Variants in AFF3 observed in about 807,000 individuals in gnomAD.
AFF3 encodes ALF transcription elongation factor 3, also known as AF4/FMR2 family member 3.
AFF3 carries 32 observed loss-of-function variants against 129.7 expected under a neutral mutation model. The ratio of observed to expected loss-of-function variants is 0.25; its 90% CI spans 0.19 to 0.33. AFF3 has a LOEUF of 0.33. Ranked by LOEUF, AFF3 falls within the 10% of genes least tolerant of loss-of-function variation. The probability of loss-of-function intolerance (pLI) is 1.00; values close to 1 mark genes in which losing one functional copy is unlikely to be tolerated. For synonymous variants in AFF3, 644 were observed against 635.4 expected, an observed-to-expected ratio of 1.01 and a Z score of -0.20; for missense variants, 1,373 against 1,592.0, an observed-to-expected ratio of 0.86 and a Z score of 2.34.
intron 2 of AFF3, chr2:100,107,501 GTGA>G: frequency 1.0e-6 from 1 of 985,282 alleles, no homozygotes; most frequent in Non-Finnish European, 1.2e-6. Flanking sequence ...AAATGTTAGA[GTGA>G]TGTTTTCTAT....
chr2:99,617,376 T>A (rs539641022), intron 13 of AFF3, among the ~76,000 whole-genome samples: 20 of 152,382 alleles, frequency 1.3e-4, no homozygotes, highest in Non-Finnish European at 2.2e-4. Flanking sequence ...TGTCTCACTG[T>A]GGTTTTGATT....
At chr2:99,902,467 T>G (rs1033878837) in intron 7 of AFF3, among the ~76,000 whole-genome samples, 3 of 152,114 alleles carry the variant, frequency 2.0e-5, no homozygotes, top group African/African-American at 7.2e-5. Context: ...AACTGTCATC[T>G]CAACTCAATG....
chr2:99,958,829 A>G (rs1041702206), intron 7 of AFF3, among the ~76,000 whole-genome samples: 4 of 151,992 alleles, frequency 2.6e-5, no homozygotes, highest in African/African-American at 9.7e-5. Flanking sequence ...GAACATTATC[A>G]AGGCCGGGTG....
chr2:99,844,456 G>C (rs1246684805), intron 7 of AFF3, among the ~76,000 whole-genome samples: 1 of 8,990 alleles, frequency 1.1e-4, no homozygotes, highest in Non-Finnish European at 2.5e-4. Context: ...TTTTTTTTTT[G>C]AGACAGAGTC....
intron 7 of AFF3, among the ~76,000 whole-genome samples, chr2:99,975,897 A>G (rs1363919433): frequency 6.6e-6 from 1 of 150,754 alleles, no homozygotes; most frequent in African/African-American, 2.4e-5. Flanking sequence ...AAAGAAAAAG[A>G]GAAAACCCAC....
intron 8 of AFF3, among the ~76,000 whole-genome samples, chr2:99,785,049 C>T (rs1484752227): frequency 6.6e-6 from 1 of 152,104 alleles, no homozygotes; most frequent in Non-Finnish European, 1.5e-5. Flanking sequence ...GATGTTGCGC[C>T]CTCTGAGGTT....
At chr2:99,555,619 C>T (rs3792119) in intron 22 of AFF3, among the ~76,000 whole-genome samples, 18,308 of 152,230 alleles carry the variant, frequency 0.12, 1,418 homozygotes, top group East Asian at 0.23. Context: ...CCTCTGAGAA[C>T]CCAATCATGC....
intron 8 of AFF3, among the ~76,000 whole-genome samples, chr2:99,775,558 G>C (rs1683829428): frequency 1.3e-5 from 2 of 152,144 alleles, no homozygotes; most frequent in African/African-American, 4.8e-5. Context: ...CCTGTCAGAG[G>C]GCAGGAGGAG....
chr2:100,131,471 T>A (rs1692427396), intron 1 of AFF3, among the ~76,000 whole-genome samples: 1 of 152,184 alleles, frequency 6.6e-6, no homozygotes. Flanking sequence ...TATTTTTATT[T>A]TTTTTAGAGG....
chr2:99,772,490 G>C (rs545534187), intron 8 of AFF3, among the ~76,000 whole-genome samples: 1 of 152,204 alleles, frequency 6.6e-6, no homozygotes. Context: ...GAGAGAAACA[G>C]AAAGTATTTG....
At chr2:99,612,492 T>C (rs1318123293) in intron 13 of AFF3, among the ~76,000 whole-genome samples, 2 of 152,204 alleles carry the variant, frequency 1.3e-5, no homozygotes, top group African/African-American at 2.4e-5. Context: ...ATGACTCAAA[T>C]GAAATGAGGC....
At chr2:99,709,186 T>C (rs1291361950) in intron 11 of AFF3, among the ~76,000 whole-genome samples, 1 of 152,132 alleles carries the variant, frequency 6.6e-6, no homozygotes, top group Non-Finnish European at 1.5e-5. Context: ...GCCCAGGAGT[T>C]CAAGGCCAGC....
chr2:99,655,154 C>A (rs1685628480), intron 12 of AFF3, among the ~76,000 whole-genome samples: 1 of 149,586 alleles, frequency 6.7e-6, no homozygotes, highest in South Asian at 2.1e-4. Context: ...GCAGTCACAA[C>A]AAGCAAAGCC....
intron 7 of AFF3, among the ~76,000 whole-genome samples, chr2:99,950,548 T>G (rs1676055726): frequency 6.6e-6 from 1 of 152,342 alleles, no homozygotes; most frequent in East Asian, 1.9e-4. Context: ...CTACTAATAA[T>G]GAAGATCATA....
chr2:99,858,153 C>G (rs1018158816), intron 7 of AFF3, among the ~76,000 whole-genome samples: 1 of 152,188 alleles, frequency 6.6e-6, no homozygotes, highest in Admixed American at 6.5e-5. Flanking sequence ...GGAGGACTGA[C>G]TTGCAGATCA....
chr2:99,792,848 A>C (rs1270267958), intron 8 of AFF3, among the ~76,000 whole-genome samples: 2 of 152,260 alleles, frequency 1.3e-5, no homozygotes, highest in Admixed American at 1.3e-4. Context: ...TTAACTAGCT[A>C]AGTTTTGTGA....
chr2:100,135,925 C>T (rs1189604890), intron 1 of AFF3, among the ~76,000 whole-genome samples: 1 of 151,900 alleles, frequency 6.6e-6, no homozygotes, highest in Non-Finnish European at 1.5e-5. Context: ...TGGATGATTT[C>T]AAAGAACACA....
At chr2:99,981,259 C>A (rs1483360328) in intron 7 of AFF3, among the ~76,000 whole-genome samples, 1 of 151,992 alleles carries the variant, frequency 6.6e-6, no homozygotes, top group Non-Finnish European at 1.5e-5. Context: ...CTCAGGTGAT[C>A]CGCCCACCTC....
At chr2:99,572,733 A>G (rs988267567) in intron 18 of AFF3, 3 of 434,924 alleles carry the variant, frequency 6.9e-6, no homozygotes, top group Non-Finnish European at 9.2e-6. Flanking sequence ...AGGAGAATGC[A>G]TAAGAAATTA....
Sources: gnomAD v4.1 joint callset for allele counts (sites outside exome capture counted in the v4.1 genomes callset) on GRCh38, gnomAD v4.1.1 for gene constraint, MANE v1.5 for transcripts, NCBI Gene and HGNC (gene_info 2026-07-23, HGNC 2026-07-21) for gene names.